The following ARMC8 variants were observed in gnomAD, a reference collection of about 807,000 sequenced individuals.
ARMC8 encodes the protein armadillo repeat containing 8.
ARMC8 carries 20 observed loss-of-function variants against 99.3 expected under a neutral mutation model. The ratio of observed to expected loss-of-function variants is 0.20; its 90% CI spans 0.14 to 0.29. The LOEUF (loss-of-function observed/expected upper bound fraction) is 0.29, where lower values mean the gene tolerates loss of function less well. ARMC8 is among the 10% of genes least tolerant of loss of function. The pLI, the probability that ARMC8 is intolerant of heterozygous loss-of-function variation, is 1.00. For synonymous variants in ARMC8, 263 were observed against 278.3 expected, an observed-to-expected ratio of 0.95 and a Z score of 0.55; for missense variants, 569 against 809.5, an observed-to-expected ratio of 0.70 and a Z score of 3.60.
rs61298993 is a variant in ARMC8, at chr3:138,231,961, C to CTTTTT, written c.528+2974_528+2978dup. ...GCCACTAATTCTTTCCTTGCAATTG[C>CTTTTT]TTTTTTTTTTTTTTTTTTTTTTTTT... On this transcript the variant is annotated intron_variant, in intron 6 of 21. Coordinates refer to ENST00000469044, the MANE Select transcript of ARMC8 (RefSeq NM_001363941.2). 2.6e-3 allele frequency among the ~76,000 whole-genome samples: 154 copies of CTTTTT among 58,636 alleles called. 35 individuals are homozygous for CTTTTT. Among genetic ancestry groups the CTTTTT allele is most frequent in the African/African-American group, 0.01 (126 of 12,176 alleles). 38.5% of individuals were successfully genotyped at this position (58,636 alleles called of 152,430 possible).
chr3:138,258,785 A>G (rs1441235534), intron 12 of ARMC8, among the ~76,000 whole-genome samples: 1 of 152,226 alleles, frequency 6.6e-6, no homozygotes, highest in Non-Finnish European at 1.5e-5. Flanking sequence ...TGAGGATGCA[A>G]CATTTTTTGT....
chr3:138,228,372 G>T (rs2108106200), intron 5 of ARMC8, among the ~76,000 whole-genome samples: 1 of 152,300 alleles, frequency 6.6e-6, no homozygotes, highest in South Asian at 2.1e-4. Flanking sequence ...AGGTTCTTAA[G>T]TGTCAGCAAT....
chr3:138,221,663 G>A (rs1245371726), intron 2 of ARMC8, among the ~76,000 whole-genome samples: 1 of 152,028 alleles, frequency 6.6e-6, no homozygotes, highest in Non-Finnish European at 1.5e-5. Flanking sequence ...GTATTGGTAG[G>A]TACCCTTTCT....
At chr3:138,224,312 G>A (rs1473403867) in intron 5 of ARMC8, among the ~76,000 whole-genome samples, 1 of 152,126 alleles carries the variant, frequency 6.6e-6, no homozygotes, top group Non-Finnish European at 1.5e-5. Context: ...TGGTGCAATG[G>A]CTCATGCCTA....
chr3:138,195,247 C>T lies in ARMC8; in HGVS notation c.45+7648C>T, dbSNP rs531570196. On this transcript the variant is annotated intron_variant, in intron 1 of 21. Transcript: ENST00000469044. ...GAGCCGAGATTGCGCCACTGCAGTC[C>T]GCAGTCCGGCCTGGGCGACAGAGCG... Among the ~76,000 whole-genome samples, 5 of 149,806 alleles carry T rather than the reference C, an allele frequency of 3.3e-5. No individual in the cohort carries two copies. The South Asian group carries it at 8.4e-4, about 25-fold the overall frequency.
At position 138,243,418 on chromosome 3, in the gene ARMC8, CAT is replaced by C. The variant is rs550598490; in HGVS notation, c.1038+1436_1038+1437del. Among the ~76,000 whole-genome samples, 128 of 152,268 alleles carry C rather than the reference CAT, an allele frequency of 8.4e-4. 1 individual carries two copies. The highest frequency in any genetic ancestry group is 2.6e-3 in the African/African-American group (106 of 41,554). ...CTAGACCCGTAAAGAGAAATCTTCA[CAT>C]GTTAATAAATTTGTGATTTTCATGA... On this transcript the variant is annotated intron_variant, in intron 11 of 21. Coordinates refer to ENST00000469044, the MANE Select transcript of ARMC8 (RefSeq NM_001363941.2).
At chr3:138,252,207 A>G (rs935311778) in intron 12 of ARMC8, among the ~76,000 whole-genome samples, 2 of 152,158 alleles carry the variant, frequency 1.3e-5, no homozygotes, top group African/African-American at 4.8e-5. Flanking sequence ...GGTTGGGGGA[A>G]TTAAAAGAAG....
chr3:138,196,037 C>A (rs949596531), intron 1 of ARMC8, among the ~76,000 whole-genome samples: 1 of 152,088 alleles, frequency 6.6e-6, no homozygotes, highest in Non-Finnish European at 1.5e-5. Flanking sequence ...CCTATAAGAT[C>A]TATTAATATT....
intron 12 of ARMC8, 165 bp downstream of exon 12, chr3:138,245,348 GTTGT>G (rs775414893): frequency 3.9e-4 from 574 of 1,476,960 alleles, no homozygotes; most frequent in Non-Finnish European, 4.4e-4. Context: ...GATTTGGGGG[GTTGT>G]TTGTTTGTTT....
intron 12 of ARMC8, among the ~76,000 whole-genome samples, chr3:138,256,402 CTTT>C: frequency 1.1e-5 from 1 of 90,276 alleles, no homozygotes; most frequent in African/African-American, 4.5e-5. Flanking sequence ...TTTCCTCCTT[CTTT>C]TTTTTTTTTT....
At chr3:138,262,514 A>C in intron 12 of ARMC8, 3 of 1,609,276 alleles carry the variant, frequency 1.9e-6, no homozygotes, top group Non-Finnish European at 2.5e-6. Context: ...TCATGTTCTA[A>C]GGTCAGACTT....
intron 1 of ARMC8, among the ~76,000 whole-genome samples, chr3:138,207,568 T>C (rs2044442550): frequency 6.6e-6 from 1 of 152,190 alleles, no homozygotes; most frequent in Non-Finnish European, 1.5e-5. Context: ...TAGGAGGGTC[T>C]GAGGTACTTA....
At chr3:138,241,186 T>G (rs2046600898) in intron 10 of ARMC8, among the ~76,000 whole-genome samples, 1 of 152,232 alleles carries the variant, frequency 6.6e-6, no homozygotes. Flanking sequence ...CACTGCTAAT[T>G]CCAGCAAGTT....
At chr3:138,276,380 T>C (rs188997994) in intron 18 of ARMC8, among the ~76,000 whole-genome samples, 10 of 152,352 alleles carry the variant, frequency 6.6e-5, no homozygotes, top group African/African-American at 1.7e-4. Flanking sequence ...GTAAAACATA[T>C]GTATCACTGC....
intron 2 of ARMC8, among the ~76,000 whole-genome samples, chr3:138,217,576 G>T (rs2045138102): frequency 6.6e-6 from 1 of 152,112 alleles, no homozygotes; most frequent in Non-Finnish European, 1.5e-5. Context: ...TCAGAGCAAA[G>T]AAAGTAAAGT....
At chr3:138,200,116 G>C (rs2043967901) in intron 1 of ARMC8, among the ~76,000 whole-genome samples, 1 of 152,106 alleles carries the variant, frequency 6.6e-6, no homozygotes, top group South Asian at 2.1e-4. Context: ...TAAGTTAACT[G>C]TCCTCACATG....
chr3:138,279,204 G>GT lies in ARMC8; in HGVS notation c.1725+4665dup, dbSNP rs565777525. Among the ~76,000 whole-genome samples the GT allele has an allele frequency of 5.3e-5, 8 of 152,042 alleles. No homozygotes were observed. In the East Asian group the frequency reaches 1.5e-3, roughly 29 times the overall value. On this transcript the variant is annotated intron_variant, in intron 18 of 21. Transcript: ENST00000469044. ...AAGAAATTATCTTCTAGTTTGTTGA[G>GT]TTTTTACCATAAATAGATATTGGAT...
At chr3:138,216,884 T>C (rs964835461) in intron 2 of ARMC8, among the ~76,000 whole-genome samples, 3 of 152,096 alleles carry the variant, frequency 2.0e-5, no homozygotes, top group Admixed American at 1.3e-4. Flanking sequence ...AATAAATAGA[T>C]ATATAGTCAT....
At chr3:138,244,001 C>T (rs1019427056) in intron 11 of ARMC8, among the ~76,000 whole-genome samples, 5 of 152,126 alleles carry the variant, frequency 3.3e-5, no homozygotes, top group South Asian at 4.1e-4. Flanking sequence ...TGGTCATAGT[C>T]AGTCATTGAA....
Sources: gnomAD v4.1 joint callset for allele counts (sites outside exome capture counted in the v4.1 genomes callset) on GRCh38, gnomAD v4.1.1 for gene constraint, MANE v1.5 for transcripts, NCBI Gene and HGNC (gene_info 2026-07-23, HGNC 2026-07-21) for gene names.